The following DMXL2 variants were observed in gnomAD, a reference collection of about 807,000 sequenced individuals.
The protein encoded by DMXL2 is Dmx like 2.
In DMXL2, 103 loss-of-function variants were observed where a neutral mutation model predicts 331.1. The ratio of observed to expected loss-of-function variants is 0.31; its 90% CI spans 0.27 to 0.37. The LOEUF is 0.37. DMXL2 is among the 10% of genes least tolerant of loss of function. The pLI, the probability that DMXL2 is intolerant of heterozygous loss-of-function variation, is 1.00. For synonymous variants in DMXL2, 1,281 were observed against 1,252.1 expected, an observed-to-expected ratio of 1.02 and a Z score of -0.49; for missense variants, 3,171 against 3,642.9, an observed-to-expected ratio of 0.87 and a Z score of 3.33.
Position 51,592,228 on chromosome 15 carries a change from T to A in DMXL2, c.88-16047A>T, listed in dbSNP as rs572118047. 2.4e-3 allele frequency among the ~76,000 whole-genome samples: 364 copies of A among 151,198 alleles called. 1 individual carries two copies. Among genetic ancestry groups the A allele is most frequent in the Non-Finnish European group, 4.6e-3 (312 of 67,758 alleles). ...AATGCAGAGAAGTCCTTAAAGGACC[T>A]GATGGAGCTAAAAACCAAGGCACAG... On this transcript the variant is annotated intron_variant, in intron 1 of 43. Transcript: ENST00000560891.
intron 13 of DMXL2, among the ~76,000 whole-genome samples, chr15:51,519,047 TCAAA>T (rs1469789839): frequency 6.6e-6 from 1 of 151,984 alleles, no homozygotes; most frequent in Non-Finnish European, 1.5e-5. Flanking sequence ...GAGCAAAATA[TCAAA>T]CATTTAAATA....
intron 24 of DMXL2, 22 bp from the exon 25 acceptor site, chr15:51,480,161 T>C (rs780002936): frequency 6.7e-7 from 1 of 1,490,026 alleles, no homozygotes; most frequent in Admixed American, 2.2e-5. Flanking sequence ...AGTGAATTAT[T>C]TTTTTCAAAG....
intron 41 of DMXL2, among the ~76,000 whole-genome samples, chr15:51,452,692 T>C (rs1253857736): frequency 1.3e-5 from 2 of 152,018 alleles, no homozygotes; most frequent in Non-Finnish European, 2.9e-5. Flanking sequence ...GGAGATTCCT[T>C]AAAGAACTAT....
At chr15:51,509,943 C>G (rs935567361) in intron 15 of DMXL2, among the ~76,000 whole-genome samples, 1 of 152,068 alleles carries the variant, frequency 6.6e-6, no homozygotes, top group African/African-American at 2.4e-5. Flanking sequence ...TAAACAGAAC[C>G]AATGACAAAA....
rs144058412 is a variant in DMXL2, at chr15:51,516,312, T to C, written c.2526+766A>G. 7.4e-4 allele frequency among the ~76,000 whole-genome samples: 112 copies of C among 152,328 alleles called. 1 individual carries two copies. Among genetic ancestry groups the C allele is most frequent in the African/African-American group, 2.6e-3 (110 of 41,584 alleles). On this transcript the variant is annotated intron_variant, in intron 14 of 43. Coordinates refer to ENST00000560891, the MANE Select transcript of DMXL2 (RefSeq NM_001378457.1). ...AGGGAGAAGGGTTCTCCTTCTTTCC[T>C]AGGTAGTAGCTGGGGAGGAATACTA...
intron 16 of DMXL2, among the ~76,000 whole-genome samples, chr15:51,503,771 CATGAT>C (rs1214991289): frequency 6.6e-6 from 1 of 151,980 alleles, no homozygotes; most frequent in Non-Finnish European, 1.5e-5. Context: ...TCCTAAATAC[CATGAT>C]ATGATCATTA....
rs184255346 is a variant in DMXL2 at position 51,478,323 on chromosome 15, C to T, written c.6781G>A (p.Ala2261Thr). Residue 2261 changes from alanine to threonine, a missense_variant, in exon 26 of 44, where the codon GCA (alanine) becomes ACA (threonine). Physicochemically the swap from Ala to Thr is moderately conservative, Grantham distance 58. Coordinates refer to ENST00000560891, the MANE Select transcript of DMXL2 (RefSeq NM_001378457.1). ...VKVHTLHSLA[A>T]SLSASIYQAL... ...TGGTAAATTGATGCAGAAAGTGATG[C>T]TGCTAGTGAATGAAGTGTGTGCACC... is the stretch of plus-strand genomic sequence containing the variant. The T allele has an allele frequency of 3.7e-6, 6 of 1,613,136 alleles. No individual in the cohort carries two copies. In the Admixed American group the frequency reaches 6.7e-5, roughly 18 times the overall value.
At chr15:51,465,233 C>CA (rs377655297) in intron 31 of DMXL2, among the ~76,000 whole-genome samples, 1 of 152,020 alleles carries the variant, frequency 6.6e-6, no homozygotes, top group Non-Finnish European at 1.5e-5. Context: ...TTGTCTCTTA[C>CA]AAAAAATACA....
At chr15:51,470,645 G>T (rs2041016380) in intron 29 of DMXL2, among the ~76,000 whole-genome samples, 1 of 152,134 alleles carries the variant, frequency 6.6e-6, no homozygotes, top group Admixed American at 6.5e-5. Flanking sequence ...CATGTAAAGA[G>T]GGAAACATAC....
At chr15:51,610,781 A>C (rs866500201) in intron 1 of DMXL2, among the ~76,000 whole-genome samples, 14 of 152,040 alleles carry the variant, frequency 9.2e-5, no homozygotes, top group Middle Eastern at 3.4e-3. Flanking sequence ...AAAAAAAAAA[A>C]ACTTATAAAA....
chr15:51,592,146 G>A (rs1054318653), intron 1 of DMXL2, among the ~76,000 whole-genome samples: 3 of 151,932 alleles, frequency 2.0e-5, no homozygotes, highest in African/African-American at 4.8e-5. Context: ...CGAACCCATG[G>A]CAAAGAAGTT....
chr15:51,457,042 T>C (rs2039685839), intron 37 of DMXL2, among the ~76,000 whole-genome samples: 2 of 152,116 alleles, frequency 1.3e-5, no homozygotes, highest in Non-Finnish European at 2.9e-5. Context: ...CACGCTGGCA[T>C]GCACCTGTAG....
chr15:51,513,268 C>A (rs1050417544), intron 15 of DMXL2, among the ~76,000 whole-genome samples: 4 of 152,158 alleles, frequency 2.6e-5, no homozygotes, highest in African/African-American at 9.7e-5. Context: ...GCTGGCATAT[C>A]TTTCCTGTTA....
chr15:51,474,346 G>A lies in DMXL2; in HGVS notation c.7211C>T (p.Ser2404Leu). 6 of 1,604,108 alleles carry A rather than the reference G, an allele frequency of 3.7e-6. No individual in the cohort carries two copies. Among genetic ancestry groups the A allele is most frequent in the Non-Finnish European group, 4.3e-6 (5 of 1,172,018 alleles). Residue 2404 changes from serine to leucine, a missense_variant and splice_region_variant, in exon 28 of 44, where the codon TCA becomes TTA. Physicochemically the swap from Ser to Leu is moderately radical, Grantham distance 145. Transcript: ENST00000560891. ...VKPRRQSENI[S>L]APPVLSEDID... Reference sequence around the variant, plus strand: ...TACTGGTATCAAACGTATCTTACCTGAAATATTTTCTGATTGTCTTCGAGG... The same window carrying A: ...TACTGGTATCAAACGTATCTTACCTAAAATATTTTCTGATTGTCTTCGAGG...
chr15:51,506,971 T>G (rs1195686300), intron 16 of DMXL2, among the ~76,000 whole-genome samples, 163 bp downstream of exon 16: 1 of 152,246 alleles, frequency 6.6e-6, no homozygotes, highest in Non-Finnish European at 1.5e-5. Context: ...CCAGTTTCAT[T>G]AATGATTTAT....
intron 29 of DMXL2, among the ~76,000 whole-genome samples, chr15:51,470,920 T>TG (rs1214884676): frequency 1.3e-5 from 2 of 152,040 alleles, no homozygotes; most frequent in African/African-American, 4.8e-5. Context: ...AGAAGAGGGG[T>TG]GTCTAGGTGG....
chr15:51,575,431 T>C (rs1006712451), intron 2 of DMXL2, among the ~76,000 whole-genome samples: 4 of 152,172 alleles, frequency 2.6e-5, no homozygotes, highest in African/African-American at 9.7e-5. Flanking sequence ...CCTTACTGAA[T>C]TGCTGGAGTA....
In DMXL2 at chr15:51,593,270, C is replaced by T. The variant is rs942917331; in HGVS notation, c.88-17089G>A. ...AAAAGGCAGGGGTTGCAATCCTAGT[C>T]TCTGATAAAACAGACTTTAAACCAA... On this transcript the variant is annotated intron_variant, in intron 1 of 43. Coordinates refer to ENST00000560891, the MANE Select transcript of DMXL2 (RefSeq NM_001378457.1). Among the ~76,000 whole-genome samples, 3 of 152,240 alleles carry T rather than the reference C, an allele frequency of 2.0e-5. No homozygotes were observed. In the East Asian group the frequency reaches 5.8e-4, roughly 29 times the overall value.
chr15:51,466,891 TA>T (rs964220263), intron 29 of DMXL2, among the ~76,000 whole-genome samples: 4 of 151,678 alleles, frequency 2.6e-5, no homozygotes, highest in Admixed American at 1.3e-4. Context: ...TTTTTTTAAA[TA>T]AAAAAAATCC....
Sources: gnomAD v4.1 joint callset for allele counts (sites outside exome capture counted in the v4.1 genomes callset) on GRCh38, gnomAD v4.1.1 for gene constraint, MANE v1.5 for transcripts, NCBI Gene and HGNC (gene_info 2026-07-23, HGNC 2026-07-21) for gene names.